The following RBMS3 variants were observed in gnomAD, a reference collection of about 807,000 sequenced individuals.
RBMS3 encodes RNA binding motif single stranded interacting protein 3.
A neutral mutation model predicts 66.8 loss-of-function variants in RBMS3; 27 were observed. The observed-to-expected ratio is 0.40, with a 90% CI of 0.30 to 0.56. RBMS3 has a LOEUF of 0.56. Ranked by LOEUF, RBMS3 falls within the 20% of genes least tolerant of loss-of-function variation. The pLI is 0.40. For missense variants in RBMS3, 513 were observed against 549.5 expected, an observed-to-expected ratio of 0.93 and a Z score of 0.66; for synonymous variants, 188 against 183.0, an observed-to-expected ratio of 1.03 and a Z score of -0.22.
chr3:29,665,911 A>C (rs1292136691), intron 4 of RBMS3, among the ~76,000 whole-genome samples: 1 of 152,204 alleles, frequency 6.6e-6, no homozygotes, highest in African/African-American at 2.4e-5. Flanking sequence ...ATGTTTAATA[A>C]AATTCCTTAC....
chr3:29,288,154 G>C (rs2032519058), intron 1 of RBMS3, among the ~76,000 whole-genome samples: 1 of 151,922 alleles, frequency 6.6e-6, no homozygotes, highest in South Asian at 2.1e-4. Context: ...CAATGCATTG[G>C]TTTCTAGGTT....
intron 1 of RBMS3, among the ~76,000 whole-genome samples, chr3:29,419,866 C>A (rs2040630080): frequency 6.6e-6 from 1 of 152,166 alleles, no homozygotes; most frequent in Admixed American, 6.5e-5. Context: ...TTAAGGAATA[C>A]TTACACCACT....
intron 10 of RBMS3, among the ~76,000 whole-genome samples, chr3:29,918,534 A>T (rs995816167): frequency 6.6e-6 from 1 of 152,062 alleles, no homozygotes; most frequent in Non-Finnish European, 1.5e-5. Context: ...AAGTTATGTT[A>T]TGTTGGGTGA....
chr3:29,438,028 T>TTC (rs34431369), intron 2 of RBMS3, among the ~76,000 whole-genome samples: 43,039 of 142,332 alleles, frequency 0.3, 6,480 homozygotes, highest in Middle Eastern at 0.36. Flanking sequence ...CCTTGCTTGT[T>TTC]TCTCTCTCTC....
intron 1 of RBMS3, among the ~76,000 whole-genome samples, chr3:29,327,404 A>T (rs1038810859): frequency 6.6e-6 from 1 of 152,168 alleles, no homozygotes; most frequent in African/African-American, 2.4e-5. Flanking sequence ...GGCTACCTCT[A>T]TGTGATAGAC....
Position 29,975,040 on chromosome 3 carries a change from A to T in RBMS3, c.1099-13103A>T, listed in dbSNP as rs1053087499. ...ATATAAAATACGTTTCTATATTTAT[A>T]TATTTTATATATAAAATATGTTTCT... is the stretch of plus-strand genomic sequence containing the variant. On this transcript the variant is annotated intron_variant, in intron 12 of 14. Coordinates refer to ENST00000383767, the MANE Select transcript of RBMS3 (RefSeq NM_001003793.3). 1.2e-4 allele frequency among the ~76,000 whole-genome samples: 13 copies of T among 107,680 alleles called. No homozygotes were observed. The South Asian group carries it at 1.5e-3, about 12-fold the overall frequency. The allele number at this position is 107,680 out of a possible 152,430, so 70.6% of individuals were successfully genotyped here. A position where few individuals can be genotyped will look rare whatever the true frequency, so the allele number is the denominator to read the frequency against.
chr3:29,591,539 A>T (rs2047738226), intron 4 of RBMS3, among the ~76,000 whole-genome samples: 1 of 152,206 alleles, frequency 6.6e-6, no homozygotes, highest in Non-Finnish European at 1.5e-5. Context: ...ATCCAATCAC[A>T]TAACCCCTGA....
chr3:29,667,326 A>G (rs911505357), intron 4 of RBMS3, among the ~76,000 whole-genome samples: 6 of 152,162 alleles, frequency 3.9e-5, no homozygotes, highest in African/African-American at 1.2e-4. Context: ...TCTCTAATCT[A>G]ATCTATCCCA....
At chr3:29,884,467 TCTCCCC>T (rs1380277159) in intron 8 of RBMS3, among the ~76,000 whole-genome samples, 1 of 74,790 alleles carries the variant, frequency 1.3e-5, no homozygotes, top group Non-Finnish European at 3.2e-5. Context: ...TCTCTCTCTC[TCTCCCC>T]CCCCGCTCCC....
At chr3:29,965,092 A>G (rs1329134974) in intron 12 of RBMS3, among the ~76,000 whole-genome samples, 1 of 152,092 alleles carries the variant, frequency 6.6e-6, no homozygotes, top group African/African-American at 2.4e-5. Context: ...ATATATACAT[A>G]CCACAGTTTT....
intron 6 of RBMS3, among the ~76,000 whole-genome samples, chr3:29,788,526 G>A (rs2056901897): frequency 6.6e-6 from 1 of 151,974 alleles, no homozygotes; most frequent in Admixed American, 6.6e-5. Flanking sequence ...TGCCAGGCCT[G>A]GAGTTCATTC....
chr3:29,699,721 A>T (rs1168389923), intron 4 of RBMS3, among the ~76,000 whole-genome samples: 1 of 152,172 alleles, frequency 6.6e-6, no homozygotes, highest in Non-Finnish European at 1.5e-5. Context: ...TTAACCACTT[A>T]TCCATAACGT....
At chr3:29,471,675 A>G (rs142373549) in intron 2 of RBMS3, among the ~76,000 whole-genome samples, 41 of 148,552 alleles carry the variant, frequency 2.8e-4, no homozygotes, top group Middle Eastern at 7.4e-3. Flanking sequence ...TCTCAAAACT[A>G]CTATTTTTAT....
chr3:29,322,620 A>T (rs1195097043), intron 1 of RBMS3, among the ~76,000 whole-genome samples: 1 of 145,610 alleles, frequency 6.9e-6, no homozygotes, highest in East Asian at 2.0e-4. Flanking sequence ...TAGTTTTCAC[A>T]TACGAAAAAA....
chr3:29,327,283 G>C (rs1160798086), intron 1 of RBMS3, among the ~76,000 whole-genome samples: 1 of 152,096 alleles, frequency 6.6e-6, no homozygotes, highest in African/African-American at 2.4e-5. Context: ...TGATGATTAA[G>C]GCAATATGCT....
chr3:29,666,855 A>G (rs1011633005), intron 4 of RBMS3, among the ~76,000 whole-genome samples: 2 of 152,158 alleles, frequency 1.3e-5, no homozygotes, highest in Admixed American at 1.3e-4. Context: ...ACAGTTGTTA[A>G]TGAGTAGCCT....
intron 4 of RBMS3, chr3:29,698,438 G>A: frequency 1.0e-6 from 1 of 985,314 alleles, no homozygotes; most frequent in Non-Finnish European, 1.2e-6. Context: ...CCATGAAAGT[G>A]GTAAATGGAG....
intron 3 of RBMS3, among the ~76,000 whole-genome samples, chr3:29,580,479 A>T (rs988022735): frequency 9.9e-5 from 15 of 152,106 alleles, no homozygotes; most frequent in African/African-American, 3.6e-4. Flanking sequence ...TACATACTAT[A>T]CGGTATAAAA....
chr3:29,897,128 T>A (rs1031570477), intron 8 of RBMS3, among the ~76,000 whole-genome samples: 3 of 151,598 alleles, frequency 2.0e-5, no homozygotes, highest in Admixed American at 2.0e-4. Flanking sequence ...GGAGGCAGTA[T>A]TAAACTTATC....
Sources: allele counts gnomAD v4.1 joint callset (sites outside exome capture counted in the v4.1 genomes callset), GRCh38; gene constraint gnomAD v4.1.1; transcripts MANE v1.5; gene names NCBI Gene and HGNC (gene_info 2026-07-23, HGNC 2026-07-21).